LCMT1: variants seen among roughly 807,000 people sequenced by gnomAD.
LCMT1 encodes [Phosphatase 2A protein]-leucine-carboxy methyltransferase 1.
LCMT1 carries 32 observed loss-of-function variants against 47.7 expected under a neutral mutation model. That is an observed-to-expected ratio of 0.67 (90% CI 0.51 to 0.90). The LOEUF (loss-of-function observed/expected upper bound fraction) is 0.90. LCMT1 is among the 40% of genes least tolerant of loss of function. LCMT1 has a pLI of 0.00. For synonymous variants in LCMT1, 152 were observed against 149.7 expected (o/e 1.02, Z -0.11); for missense variants, 375 against 415.2 (o/e 0.90, Z 0.84).
At chr16:25,164,855 C>A in intron 7 of LCMT1, 137 bp downstream of exon 7, 3 of 1,168,152 alleles carry the variant, frequency 2.6e-6, no homozygotes, top group Non-Finnish European at 3.7e-6. Flanking sequence ...TATTCACCAA[C>A]CAGCAATCTT....
chr16:25,116,349 G>C (rs1400537628), intron 1 of LCMT1, among the ~76,000 whole-genome samples: 2 of 152,194 alleles, frequency 1.3e-5, no homozygotes, highest in Non-Finnish European at 2.9e-5. Context: ...GAGATGTCTG[G>C]TATTCCGTGG....
At chr16:25,134,728 G>A (rs942453613) in intron 3 of LCMT1, among the ~76,000 whole-genome samples, 1 of 152,186 alleles carries the variant, frequency 6.6e-6, no homozygotes. Flanking sequence ...AGCCTCCCCA[G>A]TAGTTGGGAT....
chr16:25,166,025 T>C (rs897873175), intron 7 of LCMT1, among the ~76,000 whole-genome samples: 5 of 151,886 alleles, frequency 3.3e-5, no homozygotes, highest in African/African-American at 1.2e-4. Context: ...CCCAGCACTT[T>C]AGGGAGGCCA....
intron 5 of LCMT1, among the ~76,000 whole-genome samples, chr16:25,157,642 C>T (rs911845615): frequency 3.3e-5 from 5 of 152,206 alleles, no homozygotes; most frequent in Admixed American, 6.5e-5. Context: ...TTAGCTTCTG[C>T]GCTGTAACAA....
At chr16:25,154,823 T>C (rs1961203011) in intron 5 of LCMT1, among the ~76,000 whole-genome samples, 1 of 152,202 alleles carries the variant, frequency 6.6e-6, no homozygotes, top group Non-Finnish European at 1.5e-5. Flanking sequence ...TGTCAACTTT[T>C]TTTTATTGAA....
At chr16:25,115,156 C>A (rs951290411) in intron 1 of LCMT1, among the ~76,000 whole-genome samples, 1 of 152,136 alleles carries the variant, frequency 6.6e-6, no homozygotes, top group East Asian at 1.9e-4. Flanking sequence ...CCAGCTCTGA[C>A]CCCTTTTTTC....
chr16:25,136,704 C>G (rs567629947), intron 3 of LCMT1, among the ~76,000 whole-genome samples: 1 of 151,926 alleles, frequency 6.6e-6, no homozygotes, highest in African/African-American at 2.4e-5. Context: ...TGCGCACCAC[C>G]GTGCCTGGCT....
rs964038393 is a variant in LCMT1 at position 25,140,325 on chromosome 16, C to T, written c.404+78C>T. ...TCTCAAGAGATGGCAGATCTGAATG[C>T]CAGAGACTTCACTTTAGGGTGTTGC... On this transcript the variant is annotated intron_variant, in intron 4 of 10. Transcript: ENST00000399069. 2.7e-6 allele frequency: 3 copies of T among 1,107,764 alleles called. No individual in the cohort carries two copies. The African/African-American group carries it at 4.7e-5, about 17-fold the overall frequency. The allele number at this position is 1,107,764 out of a possible 1,614,324, so 68.6% of individuals were successfully genotyped here. A position where few individuals can be genotyped will look rare whatever the true frequency, so the allele number is the denominator to read the frequency against.
chr16:25,135,281 T>TAAAAAAAA (rs1316661688), intron 3 of LCMT1, among the ~76,000 whole-genome samples: 8 of 131,514 alleles, frequency 6.1e-5, no homozygotes, highest in African/African-American at 1.9e-4. Context: ...AAGTTTCTTT[T>TAAAAAAAA]AAAATATATA....
Position 25,111,756 on chromosome 16 carries a change from C to T in LCMT1, c.-128C>T. The T allele has an allele frequency of 1.6e-6, 1 of 643,158 alleles. No homozygotes were observed. Among genetic ancestry groups the T allele is most frequent in the Non-Finnish European group, 2.8e-6 (1 of 358,642 alleles). 39.8% of individuals were successfully genotyped at this position (643,158 alleles called of 1,614,324 possible). ...GCGTGGGCGGCGTCACTGAGCCGCG[C>T]CAGCTGAGCCAGGTAGGGCCCTACC... On this transcript the variant is annotated 5_prime_UTR_variant, in exon 1 of 11. Coordinates refer to ENST00000399069, the MANE Select transcript of LCMT1 (RefSeq NM_016309.3).
chr16:25,111,990 G>C lies in LCMT1; in HGVS notation c.107G>C (p.Cys36Ser). Reference protein sequence around the residue: ...VRGTCEDASLCKRFAVSIGYW... With the variant: ...VRGTCEDASLSKRFAVSIGYW... Reference sequence around the variant, plus strand: ...GGCACCTGCGAAGATGCTTCCCTGTGCAAGAGGTGCCTGTCGGGCGCGGGG... The same window carrying C: ...GGCACCTGCGAAGATGCTTCCCTGTCCAAGAGGTGCCTGTCGGGCGCGGGG... Residue 36 changes from cysteine to serine, a missense_variant, in exon 1 of 11, where the codon TGC becomes TCC. Transcript: ENST00000399069. 5 of 1,611,918 alleles carry C rather than the reference G, an allele frequency of 3.1e-6. No homozygotes were observed. Among genetic ancestry groups the C allele is most frequent in the South Asian group, 1.1e-5 (1 of 91,012 alleles).
chr16:25,139,852 A>T (rs2141663070), intron 3 of LCMT1, among the ~76,000 whole-genome samples: 1 of 152,238 alleles, frequency 6.6e-6, no homozygotes, highest in African/African-American at 2.4e-5. Context: ...TTTTGAAAAT[A>T]CGGAGTATAT....
intron 4 of LCMT1, chr16:25,140,544 G>A (rs1280559791): frequency 1.3e-5 from 5 of 370,722 alleles, no homozygotes; most frequent in Non-Finnish European, 2.5e-5. Flanking sequence ...TTGTACTCAA[G>A]TACTAGGGAG....
chr16:25,112,463 CTT>C (rs1959652508), intron 1 of LCMT1, among the ~76,000 whole-genome samples: 1 of 152,218 alleles, frequency 6.6e-6, no homozygotes. Context: ...AGTAATATCT[CTT>C]TGCAGAGCCA....
chr16:25,177,053 G>A (rs949954257), intron 10 of LCMT1, among the ~76,000 whole-genome samples: 4 of 151,902 alleles, frequency 2.6e-5, no homozygotes, highest in Non-Finnish European at 4.4e-5. Flanking sequence ...GGTGGCACAT[G>A]CCTGTAGTCC....
chr16:25,158,819 G>A (rs1291218976), intron 5 of LCMT1: 1 of 152,200 alleles, frequency 6.6e-6, no homozygotes, highest in Non-Finnish European at 1.5e-5. Flanking sequence ...AAGAGCAACT[G>A]AATCATGGGA....
intron 7 of LCMT1, 43 bp downstream of exon 7, chr16:25,164,761 C>T (rs199720154): frequency 3.1e-4 from 494 of 1,613,062 alleles, no homozygotes; most frequent in Non-Finnish European, 2.0e-4. Flanking sequence ...ACAGGATCGC[C>T]GTGGTGGCTT....
chr16:25,164,571 A>G, intron 6 of LCMT1, 27 bp from the exon 7 acceptor site: 4 of 1,613,658 alleles, frequency 2.5e-6, no homozygotes, highest in East Asian at 2.2e-5. Flanking sequence ...TAACAAATTT[A>G]TGTGCCTTTT....
intron 1 of LCMT1, among the ~76,000 whole-genome samples, chr16:25,119,899 G>T (rs1408908749): frequency 1.3e-5 from 2 of 150,820 alleles, no homozygotes; most frequent in Non-Finnish European, 2.9e-5. Flanking sequence ...GGTGGCTCAT[G>T]CCTGTAATCC....
Sources: allele counts gnomAD v4.1 joint callset (sites outside exome capture counted in the v4.1 genomes callset), GRCh38; gene constraint gnomAD v4.1.1; transcripts MANE v1.5; gene names NCBI Gene and HGNC (gene_info 2026-07-23, HGNC 2026-07-21).